TMEM17: variants seen among roughly 807,000 people sequenced by gnomAD.
TMEM17 encodes transmembrane protein 17.
TMEM17 carries 15 observed loss-of-function variants against 19.1 expected under a neutral mutation model. That is an observed-to-expected ratio of 0.78 (90% CI 0.52 to 1.21). The LOEUF (loss-of-function observed/expected upper bound fraction) is 1.21. Ranked by LOEUF, TMEM17 falls within the 50% of genes most tolerant of loss-of-function variation. The probability of loss-of-function intolerance (pLI) is 0.00; values close to 1 mark genes in which losing one functional copy is unlikely to be tolerated. For synonymous variants in TMEM17, 103 were observed against 86.9 expected, an observed-to-expected ratio of 1.19 and a Z score of -1.03; for missense variants, 245 against 242.3, an observed-to-expected ratio of 1.01 and a Z score of -0.07.
In TMEM17 at chr2:62,503,544, T is replaced by A. The variant is rs550465484; in HGVS notation, c.101-750A>T. On this transcript the variant is annotated intron_variant, in intron 1 of 3. Coordinates refer to ENST00000335390, the MANE Select transcript of TMEM17 (RefSeq NM_198276.3). The stretch of plus-strand genomic sequence containing the variant: ...CATGAATTATTTAAACTCTTTGAGC[T>A]TCTATTTCTTCATCTGTAAAATAGT... Among the ~76,000 whole-genome samples the A allele has an allele frequency of 4.6e-5, 7 of 152,378 alleles. No individual in the cohort carries two copies. The South Asian group carries it at 1.5e-3, about 32-fold the overall frequency.
At chr2:62,466,565 G>A in the TMEM17 span, among the ~76,000 whole-genome samples, 1 of 152,290 alleles carries the variant, frequency 6.6e-6, no homozygotes, top group East Asian at 1.9e-4. Flanking sequence ...GGGGGAGAGG[G>A]ACTGGTCCTG....
intron 1 of TMEM17, among the ~76,000 whole-genome samples, chr2:62,503,417 C>T (rs1257819290): frequency 6.6e-6 from 1 of 152,154 alleles, no homozygotes; most frequent in Non-Finnish European, 1.5e-5. Flanking sequence ...ACCACACTCC[C>T]CTCCCCAAAA....
chr2:62,460,822 C>A, the TMEM17 span, among the ~76,000 whole-genome samples: 2 of 152,192 alleles, frequency 1.3e-5, no homozygotes, highest in Non-Finnish European at 2.9e-5. Context: ...TCATTCAATG[C>A]TATTTTCGAT....
chr2:62,455,733 C>T, the TMEM17 span, among the ~76,000 whole-genome samples: 25 of 152,326 alleles, frequency 1.6e-4, no homozygotes, highest in African/African-American at 3.8e-4. Context: ...CACCACTGCA[C>T]GCCAGCCTGG....
chr2:62,459,323 A>G, the TMEM17 span, among the ~76,000 whole-genome samples: 4 of 152,344 alleles, frequency 2.6e-5, no homozygotes, highest in African/African-American at 9.6e-5. Context: ...TACTTACGTC[A>G]CTGAAATCCA....
At chr2:62,479,161 GTCC>G in the TMEM17 span, among the ~76,000 whole-genome samples, 1 of 152,200 alleles carries the variant, frequency 6.6e-6, no homozygotes, top group East Asian at 1.9e-4. Context: ...CTAGAACTTA[GTCC>G]TCCTATCTAG....
At chr2:62,456,826 T>G in the TMEM17 span, among the ~76,000 whole-genome samples, 3 of 152,360 alleles carry the variant, frequency 2.0e-5, no homozygotes, top group African/African-American at 7.2e-5. Context: ...TTCTAGAAAC[T>G]ATGATATGAG....
At chr2:62,461,925 C>T in the TMEM17 span, among the ~76,000 whole-genome samples, 1 of 152,232 alleles carries the variant, frequency 6.6e-6, no homozygotes, top group Non-Finnish European at 1.5e-5. Flanking sequence ...GCTCTCTTTC[C>T]TCTGACTGTG....
At chr2:62,453,567 C>T in the TMEM17 span, among the ~76,000 whole-genome samples, 4 of 152,172 alleles carry the variant, frequency 2.6e-5, no homozygotes, top group African/African-American at 7.2e-5. Context: ...ACTGTCTATG[C>T]CAGGCTGCTA....
intron 1 of TMEM17, 79 bp downstream of exon 1, chr2:62,505,951 G>C: frequency 7.5e-7 from 1 of 1,339,688 alleles, no homozygotes; most frequent in Non-Finnish European, 1.0e-6. Flanking sequence ...TTTTAGGTAC[G>C]GGCAAATTCT....
At chr2:62,472,776 T>C in the TMEM17 span, among the ~76,000 whole-genome samples, 2 of 152,268 alleles carry the variant, frequency 1.3e-5, no homozygotes, top group East Asian at 3.9e-4. Flanking sequence ...TAGGCATAGT[T>C]GGGAGATAAA....
chr2:62,483,755 G>A, the TMEM17 span, among the ~76,000 whole-genome samples: 15 of 151,702 alleles, frequency 9.9e-5, 1 homozygote, highest in Middle Eastern at 3.2e-3. Context: ...ACGTGCCACC[G>A]CGCCCGGCTA....
At chr2:62,482,157 TCA>T in the TMEM17 span, among the ~76,000 whole-genome samples, 1 of 152,144 alleles carries the variant, frequency 6.6e-6, no homozygotes, top group South Asian at 2.1e-4. Context: ...CTTCCAAATC[TCA>T]CACACGAGTT....
At chr2:62,479,811 C>T in the TMEM17 span, among the ~76,000 whole-genome samples, 1 of 144,016 alleles carries the variant, frequency 6.9e-6, no homozygotes, top group Non-Finnish European at 1.5e-5. Context: ...CGCTTGAGCA[C>T]AGGCTGTTGA....
the TMEM17 span, among the ~76,000 whole-genome samples, chr2:62,483,792 G>A: frequency 6.6e-6 from 1 of 151,884 alleles, no homozygotes. Flanking sequence ...GAGAGACAGG[G>A]GTTTCACCAC....
downstream of TMEM17, among the ~76,000 whole-genome samples, chr2:62,495,666 C>T (rs539968640): frequency 6.6e-6 from 1 of 151,966 alleles, no homozygotes; most frequent in East Asian, 1.9e-4. Context: ...TTCTGTTTGC[C>T]GCTTTGTTTT....
chr2:62,467,200 G>A, the TMEM17 span, among the ~76,000 whole-genome samples: 28 of 105,080 alleles, frequency 2.7e-4, no homozygotes, highest in South Asian at 7.9e-3. Flanking sequence ...ATTTCCCCCC[G>A]CCCACGCCTC....
At chr2:62,481,738 A>AGTGTGTGTGTGTGG in the TMEM17 span, among the ~76,000 whole-genome samples, 1 of 77,126 alleles carries the variant, frequency 1.3e-5, no homozygotes, top group African/African-American at 4.8e-5. Context: ...TGTGTGTGTA[A>AGTGTGTGTGTGTGG]GGGGGGAGCA....
At chr2:62,490,098 C>T in the TMEM17 span, among the ~76,000 whole-genome samples, 1 of 152,112 alleles carries the variant, frequency 6.6e-6, no homozygotes, top group African/African-American at 2.4e-5. Context: ...ATCACTTGAA[C>T]CTGGGAGGCA....
Sources: allele counts gnomAD v4.1 joint callset (sites outside exome capture counted in the v4.1 genomes callset), GRCh38; gene constraint gnomAD v4.1.1; transcripts MANE v1.5; gene names NCBI Gene and HGNC (gene_info 2026-07-23, HGNC 2026-07-21).